Variants in MCUR1 observed in about 807,000 individuals in gnomAD.
MCUR1 encodes the protein mitochondrial calcium uniporter regulator 1, also known as MCU regulator 1.
MCUR1 carries 37 observed loss-of-function variants against 42.0 expected under a neutral mutation model. That is an observed-to-expected ratio of 0.88 (90% CI 0.68 to 1.16). The LOEUF is 1.16. Among genes scored for constraint, MCUR1 ranks in the 50% most tolerant of loss-of-function variants. The probability of loss-of-function intolerance (pLI) is 0.00; values close to 1 mark genes in which losing one functional copy is unlikely to be tolerated. For synonymous variants in MCUR1, 229 were observed against 196.2 expected, an observed-to-expected ratio of 1.17 and a Z score of -1.40; for missense variants, 469 against 468.4, an observed-to-expected ratio of 1.00 and a Z score of -0.01.
At chr6:13,810,421 C>G (rs1225967380) in intron 1 of MCUR1, among the ~76,000 whole-genome samples, 1 of 152,052 alleles carries the variant, frequency 6.6e-6, no homozygotes, top group Non-Finnish European at 1.5e-5. Flanking sequence ...TTTGTCATTA[C>G]TTTTCTAATT....
intron 6 of MCUR1, among the ~76,000 whole-genome samples, chr6:13,796,970 G>A (rs915811128): frequency 2.0e-5 from 3 of 150,610 alleles, no homozygotes; most frequent in African/African-American, 7.5e-5. Context: ...GCTATAGTCA[G>A]TAACTATTTA....
At chr6:13,798,469 C>T (rs1759905918) in intron 6 of MCUR1, among the ~76,000 whole-genome samples, 1 of 151,840 alleles carries the variant, frequency 6.6e-6, no homozygotes, top group Admixed American at 6.6e-5. Flanking sequence ...TACTATTATT[C>T]AAGCCTGAAA....
intron 1 of MCUR1, among the ~76,000 whole-genome samples, chr6:13,813,811 T>G (rs1760292522): frequency 6.6e-6 from 1 of 152,148 alleles, no homozygotes. Flanking sequence ...CAGGAATTCG[T>G]CTCTTCTGGG....
In MCUR1 at chr6:13,814,503, CCA is replaced by C; in HGVS notation, c.-76_-75del. ...GGCGCCGGCCACGCGCGGTCCAGGC[CCA>C]GAGTCCGACAGCGGGAGCGAGCGTG... On this transcript the variant is annotated 5_prime_UTR_variant, in exon 1 of 9. Coordinates refer to ENST00000379170, the MANE Select transcript of MCUR1 (RefSeq NM_001031713.4). The C allele has an allele frequency of 2.2e-6, 3 of 1,350,988 alleles. No individual in the cohort carries two copies. Among genetic ancestry groups the C allele is most frequent in the South Asian group, 1.8e-5 (1 of 56,616 alleles). 83.7% of individuals were successfully genotyped at this position (1,350,988 alleles called of 1,614,324 possible).
At chr6:13,804,923 T>C (rs1205676130) in intron 2 of MCUR1, among the ~76,000 whole-genome samples, 1 of 152,048 alleles carries the variant, frequency 6.6e-6, no homozygotes, top group Non-Finnish European at 1.5e-5. Flanking sequence ...GAAATTTTGT[T>C]AACCTGAAGA....
At position 13,814,446 on chromosome 6, in the gene MCUR1, G is replaced by A; in HGVS notation, c.-17C>T. 1 of 1,494,624 alleles carries A rather than the reference G, an allele frequency of 6.7e-7. No individual in the cohort carries two copies. The highest frequency in any genetic ancestry group is 8.8e-7 in the Non-Finnish European group (1 of 1,133,252). The allele number at this position is 1,494,624 out of a possible 1,614,324, so 92.6% of individuals were successfully genotyped here. A position where few individuals can be genotyped will look rare whatever the true frequency, so the allele number is the denominator to read the frequency against. ...GCAGTCCATCCCCGAGCAGTTCACT[G>A]GCCCGGGCGCGCGCTCATGCCTCTC... On this transcript the variant is annotated 5_prime_UTR_variant, in exon 1 of 9. An upstream open reading frame in the 5' UTR gains an earlier in-frame stop. Coordinates refer to ENST00000379170, the MANE Select transcript of MCUR1 (RefSeq NM_001031713.4).
In MCUR1 at chr6:13,814,491, C is replaced by A. The variant is rs1408938352; in HGVS notation, c.-62G>T. On this transcript the variant is annotated 5_prime_UTR_variant, in exon 1 of 9. Coordinates refer to ENST00000379170, the MANE Select transcript of MCUR1 (RefSeq NM_001031713.4). ...CCTCTCGCTTTTGGCGCCGGCCACG[C>A]GCGGTCCAGGCCCAGAGTCCGACAG... 2.3e-5 allele frequency: 33 copies of A among 1,412,660 alleles called. No homozygotes were observed. The highest frequency in any genetic ancestry group is 3.0e-5 in the Admixed American group (1 of 32,964). 87.5% of individuals were successfully genotyped at this position (1,412,660 alleles called of 1,614,324 possible).
chr6:13,807,489 C>T (rs113401382), intron 1 of MCUR1, among the ~76,000 whole-genome samples: 6 of 152,298 alleles, frequency 3.9e-5, no homozygotes, highest in African/African-American at 1.2e-4. Flanking sequence ...CACGTCAGTA[C>T]TTTTATTTCT....
At chr6:13,813,029 T>C (rs1760271878) in intron 1 of MCUR1, among the ~76,000 whole-genome samples, 1 of 152,194 alleles carries the variant, frequency 6.6e-6, no homozygotes, top group South Asian at 2.1e-4. Flanking sequence ...TTACTCTACC[T>C]TTTCTACATT....
At chr6:13,797,524 C>A (rs1252526422) in intron 6 of MCUR1, among the ~76,000 whole-genome samples, 1 of 151,510 alleles carries the variant, frequency 6.6e-6, no homozygotes, top group African/African-American at 2.4e-5. Context: ...CTGGCTAACA[C>A]GGTGAAACCC....
chr6:13,799,946 C>T (rs1260151614), intron 5 of MCUR1, among the ~76,000 whole-genome samples: 1 of 151,246 alleles, frequency 6.6e-6, no homozygotes, highest in South Asian at 2.1e-4. Context: ...ATTCTCCTGC[C>T]TCAGTCTCCC....
At position 13,789,618 on chromosome 6, in the gene MCUR1, A is replaced by G. The variant is rs1020038844; in HGVS notation, c.*1191T>C. On this transcript the variant is annotated 3_prime_UTR_variant, in exon 9 of 9. Transcript: ENST00000379170. ...TAATGACATAAATTTCATTTATGAA[A>G]TATGTATCCATCATCTAGGTATCTT... is the stretch of plus-strand genomic sequence containing the variant. 1 of 152,212 alleles carries G rather than the reference A, an allele frequency of 6.6e-6. No individual in the cohort carries two copies. Among genetic ancestry groups the G allele is most frequent in the Non-Finnish European group, 1.5e-5 (1 of 68,044 alleles). The allele number at this position is 152,212 out of a possible 1,614,324, so 9.4% of individuals were successfully genotyped here.
At chr6:13,797,998 C>T (rs1267547416) in intron 6 of MCUR1, among the ~76,000 whole-genome samples, 2 of 151,738 alleles carry the variant, frequency 1.3e-5, no homozygotes, top group African/African-American at 2.4e-5. Context: ...ACTCCGGCCT[C>T]GGCAACACAC....
rs1438849435 is a variant in MCUR1 at position 13,790,804 on chromosome 6, C to T, written c.*5G>A. On this transcript the variant is annotated 3_prime_UTR_variant, in exon 9 of 9. Coordinates refer to ENST00000379170, the MANE Select transcript of MCUR1 (RefSeq NM_001031713.4). ...CAGTAGAAATCACTTTAAATAGACA[C>T]TTTATTAGATCCACAGGCGATAAAA... is the stretch of plus-strand genomic sequence containing the variant. 1.2e-6 allele frequency: 2 copies of T among 1,609,180 alleles called. No homozygotes were observed. The highest frequency in any genetic ancestry group is 1.7e-5 in the Admixed American group (1 of 59,700).
rs1282073292 is a variant in MCUR1, at chr6:13,788,963, T to C, written c.*1846A>G. On this transcript the variant is annotated 3_prime_UTR_variant, in exon 9 of 9. Transcript: ENST00000379170. Reference sequence around the variant, plus strand: ...GTAACTATTTTTTTTACCAATGTGGTTGGAACAGTGACAACGAGCAATGTA... The same window carrying C: ...GTAACTATTTTTTTTACCAATGTGGCTGGAACAGTGACAACGAGCAATGTA... 1 of 152,158 alleles carries C rather than the reference T, an allele frequency of 6.6e-6. No individual in the cohort carries two copies. The highest frequency in any genetic ancestry group is 1.5e-5 in the Non-Finnish European group (1 of 68,018). The allele number at this position is 152,158 out of a possible 1,614,324, so 9.4% of individuals were successfully genotyped here.
rs1759647671 is a variant in MCUR1, at chr6:13,788,332, A to G, written c.*2477T>C. Reference sequence around the variant, plus strand: ...CACAGTCCTGAGCCCTCCTCTCTCCAGATATGCATGCAATCCACACCATCA... The same window carrying G: ...CACAGTCCTGAGCCCTCCTCTCTCCGGATATGCATGCAATCCACACCATCA... On this transcript the variant is annotated 3_prime_UTR_variant, in exon 9 of 9. Transcript: ENST00000379170. The G allele has an allele frequency of 6.6e-6, 1 of 152,270 alleles. No individual in the cohort carries two copies. The highest frequency in any genetic ancestry group is 2.1e-4 in the South Asian group (1 of 4,824). 9.4% of individuals were successfully genotyped at this position (152,270 alleles called of 1,614,324 possible). A position where few individuals can be genotyped will look rare whatever the true frequency, so the allele number is the denominator to read the frequency against.
chr6:13,788,851 C>T lies in MCUR1; in HGVS notation c.*1958G>A, dbSNP rs1465676502. On this transcript the variant is annotated 3_prime_UTR_variant, in exon 9 of 9. Coordinates refer to ENST00000379170, the MANE Select transcript of MCUR1 (RefSeq NM_001031713.4). The stretch of plus-strand genomic sequence containing the variant: ...CTTGATTTTCATACTATATGGAGCT[C>T]ACAATCTTTGGACTACACAAACATT... 6.6e-6 allele frequency: 1 copy of T among 152,204 alleles called. No homozygotes were observed. Among genetic ancestry groups the T allele is most frequent in the Non-Finnish European group, 1.5e-5 (1 of 68,050 alleles). The allele number at this position is 152,204 out of a possible 1,614,324, so 9.4% of individuals were successfully genotyped here.
intron 1 of MCUR1, among the ~76,000 whole-genome samples, chr6:13,809,441 C>T (rs1166288989): frequency 6.6e-6 from 1 of 152,084 alleles, no homozygotes; most frequent in Non-Finnish European, 1.5e-5. Context: ...GAGCTATGTT[C>T]TAACAATTTT....
chr6:13,808,321 A>T (rs1760155529), intron 1 of MCUR1, among the ~76,000 whole-genome samples: 1 of 152,172 alleles, frequency 6.6e-6, no homozygotes, highest in African/African-American at 2.4e-5. Flanking sequence ...ACTAAGGCAA[A>T]GTCCTTTGCC....
Sources: allele counts gnomAD v4.1 joint callset (sites outside exome capture counted in the v4.1 genomes callset), GRCh38; gene constraint gnomAD v4.1.1; transcripts MANE v1.5; gene names NCBI Gene and HGNC (gene_info 2026-07-23, HGNC 2026-07-21).